The following SLC5A10 variants were observed in gnomAD, a reference collection of about 807,000 sequenced individuals.
The protein encoded by SLC5A10 is solute carrier family 5 member 10.
A neutral mutation model predicts 68.9 loss-of-function variants in SLC5A10; 55 were observed. That is an observed-to-expected ratio of 0.80 (90% CI 0.64 to 1.00). The LOEUF (loss-of-function observed/expected upper bound fraction) is 1.00, where lower values mean the gene tolerates loss of function less well. SLC5A10 is among the 50% of genes least tolerant of loss of function. The pLI is 0.00. For synonymous variants in SLC5A10, 344 were observed against 344.8 expected (o/e 1.00, Z 0.02); for missense variants, 732 against 819.3 (o/e 0.89, Z 1.30).
intron 9 of SLC5A10, among the ~76,000 whole-genome samples, chr17:18,980,983 G>T (rs1418641021): frequency 1.3e-5 from 2 of 152,170 alleles, no homozygotes; most frequent in East Asian, 3.9e-4. Context: ...TTCTTAGTCA[G>T]GCTGAGCTGT....
chr17:19,005,120 T>C (rs1382137798), intron 9 of SLC5A10, among the ~76,000 whole-genome samples: 1 of 151,994 alleles, frequency 6.6e-6, no homozygotes, highest in Non-Finnish European at 1.5e-5. Flanking sequence ...CGTGCGGCTG[T>C]ATAGATACCC....
intron 9 of SLC5A10, among the ~76,000 whole-genome samples, chr17:18,999,606 C>T (rs1011874756): frequency 3.9e-5 from 6 of 152,340 alleles, no homozygotes; most frequent in South Asian, 2.1e-4. Flanking sequence ...CAGCACCTGG[C>T]GCGGGGCTGG....
chr17:19,020,105 C>T (rs751263380), intron 13 of SLC5A10, 50 bp from the exon 14 acceptor site: 3 of 1,092,598 alleles, frequency 2.7e-6, no homozygotes, highest in Non-Finnish European at 4.1e-6. Flanking sequence ...TGGGTCACCC[C>T]CACCCTGCCA....
At chr17:18,979,509 G>A (rs1248084782) in intron 9 of SLC5A10, 1 of 1,608,116 alleles carries the variant, frequency 6.2e-7, no homozygotes, top group Non-Finnish European at 8.5e-7. Flanking sequence ...GGGAGCCAGA[G>A]GTACCTCTCG....
intron 9 of SLC5A10, among the ~76,000 whole-genome samples, chr17:19,006,092 TTCTGCAGTTGATGA>T (rs1344249117): frequency 6.6e-6 from 1 of 152,160 alleles, no homozygotes; most frequent in Non-Finnish European, 1.5e-5. Flanking sequence ...ACCCCAACAC[TTCTGCAGTTGATGA>T]GCAGGAAGGT....
At chr17:18,984,187 A>G (rs1055618577) in intron 9 of SLC5A10, among the ~76,000 whole-genome samples, 17 of 151,934 alleles carry the variant, frequency 1.1e-4, no homozygotes, top group Admixed American at 9.8e-4. Context: ...CTAAAAATAC[A>G]AAAAATTAGC....
At chr17:18,950,798 C>A, upstream of SLC5A10, 1 of 563,180 alleles carries the variant, frequency 1.8e-6, no homozygotes, top group Non-Finnish European at 2.2e-6. Flanking sequence ...TCACTGCAAT[C>A]TCTACCTCCT....
Position 18,971,541 on chromosome 17 carries a change from C to A in SLC5A10, c.846+323C>A. On this transcript the variant is annotated intron_variant, in intron 8 of 14. Coordinates refer to ENST00000395645, the MANE Select transcript of SLC5A10 (RefSeq NM_001042450.4). The surrounding 1 kb of genome is among the most constrained non-coding windows in gnomAD (Gnocchi z 5.5). ...TCGGTCATGGGGCGGGCATTTTGGG[C>A]CAGTCTTGGGCTGCCGGGATCCGGA... 1 of 1,613,910 alleles carries A rather than the reference C, an allele frequency of 6.2e-7. No homozygotes were observed. Among genetic ancestry groups the A allele is most frequent in the South Asian group, 1.1e-5 (1 of 91,084 alleles).
intron 5 of SLC5A10, among the ~76,000 whole-genome samples, chr17:18,967,710 C>T (rs2042739830): frequency 6.6e-6 from 1 of 152,226 alleles, no homozygotes. Flanking sequence ...CCTGGTAACT[C>T]CAATCTCTGA....
At chr17:18,997,102 A>G (rs1295397694) in intron 9 of SLC5A10, among the ~76,000 whole-genome samples, 1 of 152,252 alleles carries the variant, frequency 6.6e-6, no homozygotes, top group East Asian at 1.9e-4. Flanking sequence ...ATTAAGGCCA[A>G]TTAAAGGAAG....
intron 9 of SLC5A10, among the ~76,000 whole-genome samples, chr17:19,007,000 A>G (rs2043905941): frequency 1.3e-5 from 2 of 152,214 alleles, no homozygotes; most frequent in Admixed American, 1.3e-4. Context: ...GCATTCATAC[A>G]CATATGTATA....
Position 19,021,671 on chromosome 17 carries a change from A to G in SLC5A10, c.*1240A>G. 7.5e-6 allele frequency: 3 copies of G among 397,894 alleles called. No homozygotes were observed. The highest frequency in any genetic ancestry group is 1.3e-5 in the Non-Finnish European group (3 of 226,132). The allele number at this position is 397,894 out of a possible 1,614,324, so 24.6% of individuals were successfully genotyped here. A position where few individuals can be genotyped will look rare whatever the true frequency, so the allele number is the denominator to read the frequency against. On this transcript the variant is annotated 3_prime_UTR_variant, in exon 15 of 15. Coordinates refer to ENST00000395645, the MANE Select transcript of SLC5A10 (RefSeq NM_001042450.4). The surrounding 1 kb of genome is among the most constrained non-coding windows in gnomAD (Gnocchi z 4.1). ...GGCAGATGGGGCCATTGACAAGAGGAGGTGGGCGGGGCCTCCACAGACTCC... is the reference window on the plus strand; with the variant it reads ...GGCAGATGGGGCCATTGACAAGAGGGGGTGGGCGGGGCCTCCACAGACTCC...
intron 9 of SLC5A10, among the ~76,000 whole-genome samples, chr17:18,986,747 TG>T: frequency 2.0e-5 from 3 of 152,178 alleles, no homozygotes; most frequent in Non-Finnish European, 2.9e-5. Flanking sequence ...GTCTGCACGC[TG>T]GGGGAAGTGC....
chr17:18,999,693 G>A (rs2043677564), intron 9 of SLC5A10, among the ~76,000 whole-genome samples: 1 of 152,240 alleles, frequency 6.6e-6, no homozygotes, highest in South Asian at 2.1e-4. Context: ...GTGTGTGAAG[G>A]CGGGGGCCTG....
In SLC5A10 at chr17:18,971,812, C is replaced by A; in HGVS notation, c.846+594C>A. 6.7e-7 allele frequency: 1 copy of A among 1,502,002 alleles called. No individual in the cohort carries two copies. Among genetic ancestry groups the A allele is most frequent in the East Asian group, 2.3e-5 (1 of 43,724 alleles). The allele number at this position is 1,502,002 out of a possible 1,614,324, so 93.0% of individuals were successfully genotyped here. A position where few individuals can be genotyped will look rare whatever the true frequency, so the allele number is the denominator to read the frequency against. Reference sequence around the variant, plus strand: ...GGGCCAACCCCGCCCCAGCACAGGACCCTGCTCAGGCACACAGGAGCCGGC... The same window carrying A: ...GGGCCAACCCCGCCCCAGCACAGGAACCTGCTCAGGCACACAGGAGCCGGC... On this transcript the variant is annotated intron_variant, in intron 8 of 14. Transcript: ENST00000395645. This position sits in a 1 kb window ranked among gnomAD's most constrained non-coding sequence, Gnocchi z 5.5.
At chr17:18,992,634 C>T (rs994226034) in intron 9 of SLC5A10, among the ~76,000 whole-genome samples, 3 of 152,232 alleles carry the variant, frequency 2.0e-5, no homozygotes, top group Admixed American at 1.3e-4. Flanking sequence ...CGGGCGGAGT[C>T]GGTCCAGCAC....
At chr17:18,981,251 G>A (rs2043125302) in intron 9 of SLC5A10, among the ~76,000 whole-genome samples, 1 of 152,112 alleles carries the variant, frequency 6.6e-6, no homozygotes, top group African/African-American at 2.4e-5. Context: ...AGGGGGAGGT[G>A]GGGAAGCATT....
chr17:18,979,044 C>T, intron 9 of SLC5A10: 1 of 622,346 alleles, frequency 1.6e-6, no homozygotes, highest in Non-Finnish European at 2.8e-6. Context: ...TTGCACCAAG[C>T]CCATTCCCAC....
At chr17:18,993,572 G>A (rs1567801367) in intron 9 of SLC5A10, among the ~76,000 whole-genome samples, 1 of 152,182 alleles carries the variant, frequency 6.6e-6, no homozygotes, top group African/African-American at 2.4e-5. Context: ...CCAGGCAGGT[G>A]GAGGACAGAT....
Sources: allele counts gnomAD v4.1 joint callset (sites outside exome capture counted in the v4.1 genomes callset), GRCh38; gene constraint gnomAD v4.1.1; non-coding constraint Gnocchi (gnomAD v3.1); transcripts MANE v1.5; gene names NCBI Gene and HGNC (gene_info 2026-07-23, HGNC 2026-07-21).